DSCAM: variants seen among roughly 807,000 people sequenced by gnomAD.
DSCAM encodes DS cell adhesion molecule.
In DSCAM, 47 loss-of-function variants were observed where a neutral mutation model predicts 217.7. The observed-to-expected ratio is 0.22, with a 90% confidence interval of 0.17 to 0.28. The LOEUF (loss-of-function observed/expected upper bound fraction) is 0.28. Among genes scored for constraint, DSCAM ranks in the 10% least tolerant of loss-of-function variants. The pLI, the probability that DSCAM is intolerant of heterozygous loss-of-function variation, is 1.00. For missense variants in DSCAM, 2,080 were observed against 2,618.3 expected, an observed-to-expected ratio of 0.79 and a Z score of 4.49; for synonymous variants, 1,056 against 1,015.3, an observed-to-expected ratio of 1.04 and a Z score of -0.76.
chr21:40,013,574 C>T (rs188066141), intron 32 of DSCAM, among the ~76,000 whole-genome samples, 188 bp from the exon 33 acceptor site: 1 of 152,286 alleles, frequency 6.6e-6, no homozygotes, highest in East Asian at 1.9e-4. Flanking sequence ...TACCTCCTCC[C>T]TGGGCGCGGG....
chr21:40,542,820 C>A (rs1458845638), intron 3 of DSCAM, among the ~76,000 whole-genome samples: 1 of 152,136 alleles, frequency 6.6e-6, no homozygotes, highest in Non-Finnish European at 1.5e-5. Context: ...TGCTTAAAAT[C>A]CTAGTTATTA....
intron 3 of DSCAM, among the ~76,000 whole-genome samples, chr21:40,547,494 A>G (rs1237814554): frequency 6.6e-6 from 1 of 152,236 alleles, no homozygotes; most frequent in Non-Finnish European, 1.5e-5. Context: ...TTAAAACCTT[A>G]ATGCACTGTT....
At chr21:40,269,086 C>T (rs966606920) in intron 11 of DSCAM, among the ~76,000 whole-genome samples, 3 of 152,146 alleles carry the variant, frequency 2.0e-5, no homozygotes, top group African/African-American at 7.2e-5. Context: ...GTGGCTGAAT[C>T]GCACTCCATG....
chr21:40,475,763 G>A (rs939823326), intron 3 of DSCAM, among the ~76,000 whole-genome samples: 14 of 151,994 alleles, frequency 9.2e-5, no homozygotes, highest in African/African-American at 2.4e-4. Context: ...CCTGGGAGGC[G>A]GAGGTTGCAG....
intron 10 of DSCAM, among the ~76,000 whole-genome samples, chr21:40,294,381 G>A (rs1480285487): frequency 6.6e-6 from 1 of 151,894 alleles, no homozygotes; most frequent in Non-Finnish European, 1.5e-5. Flanking sequence ...AAAATGAGAG[G>A]GCATTTTCAA....
At chr21:40,425,250 G>C (rs1394623923) in intron 3 of DSCAM, among the ~76,000 whole-genome samples, 1 of 151,738 alleles carries the variant, frequency 6.6e-6, no homozygotes, top group Non-Finnish European at 1.5e-5. Context: ...TCCCGGCCAG[G>C]CATGGTGGCT....
chr21:40,373,625 A>C (rs578129313), intron 3 of DSCAM, among the ~76,000 whole-genome samples: 1 of 152,304 alleles, frequency 6.6e-6, no homozygotes, highest in South Asian at 2.1e-4. Flanking sequence ...CAAATACTTA[A>C]TTTTATATGT....
chr21:40,127,952 C>A (rs1158248076), intron 19 of DSCAM, among the ~76,000 whole-genome samples: 3 of 152,030 alleles, frequency 2.0e-5, no homozygotes, highest in Non-Finnish European at 4.4e-5. Context: ...ATGCCTCTGT[C>A]TGGAGTTTTT....
At position 40,084,017 on chromosome 21, in the gene DSCAM, AAC is replaced by A. The variant is rs527236916; in HGVS notation, c.4133-13_4133-12del. Reference sequence around the variant, plus strand: ...GCTGATCTGGTGGAACTGGAGAGGAAACAGTTTTTAGAAAACAAGAATTAGTT... The same window carrying A: ...GCTGATCTGGTGGAACTGGAGAGGAAAGTTTTTAGAAAACAAGAATTAGTT... On this transcript the variant is annotated splice_polypyrimidine_tract_variant and intron_variant, in intron 23 of 32. Coordinates refer to ENST00000400454, the MANE Select transcript of DSCAM (RefSeq NM_001389.5). 29 of 1,601,362 alleles carry A rather than the reference AAC, an allele frequency of 1.8e-5. No individual in the cohort carries two copies. Among genetic ancestry groups the A allele is most frequent in the Non-Finnish European group, 2.4e-5 (28 of 1,173,856 alleles).
intron 10 of DSCAM, among the ~76,000 whole-genome samples, chr21:40,281,543 A>C (rs2073759656): frequency 6.6e-6 from 1 of 152,194 alleles, no homozygotes; most frequent in African/African-American, 2.4e-5. Context: ...ATGCATATTC[A>C]AATCTTAAAA....
rs201672838 is a variant in DSCAM at position 40,121,681 on chromosome 21, C to CTTT, written c.3696+2511_3696+2513dup. Among the ~76,000 whole-genome samples, 322 of 73,722 alleles carry CTTT rather than the reference C, an allele frequency of 4.4e-3. 37 individuals carry two copies. Among genetic ancestry groups the CTTT allele is most frequent in the African/African-American group, 0.017 (303 of 17,372 alleles). 48.4% of individuals were successfully genotyped at this position (73,722 alleles called of 152,430 possible). On this transcript the variant is annotated intron_variant, in intron 20 of 32. Coordinates refer to ENST00000400454, the MANE Select transcript of DSCAM (RefSeq NM_001389.5). Reference sequence around the variant, plus strand: ...CTGGTGGGTTTGCTCTCATTACTGTCTTTTTTTTTTTTTTTTTTTTTTTTT... The same window carrying CTTT: ...CTGGTGGGTTTGCTCTCATTACTGTCTTTTTTTTTTTTTTTTTTTTTTTTTTTT...
At chr21:40,635,360 G>C (rs2089743742) in intron 3 of DSCAM, among the ~76,000 whole-genome samples, 1 of 152,170 alleles carries the variant, frequency 6.6e-6, no homozygotes, top group African/African-American at 2.4e-5. Context: ...GTGCCTGCTA[G>C]GGAACTTCAA....
chr21:40,093,075 C>T (rs751131880), intron 21 of DSCAM, among the ~76,000 whole-genome samples: 4 of 152,086 alleles, frequency 2.6e-5, no homozygotes, highest in Non-Finnish European at 2.9e-5. Flanking sequence ...GGAATTGTGT[C>T]GTAAGGAAAT....
chr21:40,797,352 A>G (rs1230485855), intron 1 of DSCAM, among the ~76,000 whole-genome samples: 1 of 152,156 alleles, frequency 6.6e-6, no homozygotes, highest in Non-Finnish European at 1.5e-5. Context: ...TCTTCTCCAC[A>G]CTGTTGCGAA....
rs71186932 is a variant in DSCAM, at chr21:40,381,062, CAAAAAA to C, written c.509-11823_509-11818del. On this transcript the variant is annotated intron_variant, in intron 3 of 32. Coordinates refer to ENST00000400454, the MANE Select transcript of DSCAM (RefSeq NM_001389.5). Reference sequence around the variant, plus strand: ...TGGGCGACAGAGCGAGACTCCGTCTCAAAAAAAAAAAAAAAAAAAAAAGAAAATAGA... The same window carrying C: ...TGGGCGACAGAGCGAGACTCCGTCTCAAAAAAAAAAAAAAAAGAAAATAGA... Among the ~76,000 whole-genome samples the C allele has an allele frequency of 1.1e-4, 7 of 66,220 alleles. No homozygotes were observed. In the Admixed American group the frequency reaches 1.3e-3, roughly 12 times the overall value. The allele number at this position is 66,220 out of a possible 152,430, so 43.4% of individuals were successfully genotyped here. A position where few individuals can be genotyped will look rare whatever the true frequency, so the allele number is the denominator to read the frequency against.
chr21:40,110,228 A>G (rs1263835449), intron 20 of DSCAM, among the ~76,000 whole-genome samples: 1 of 152,164 alleles, frequency 6.6e-6, no homozygotes, highest in Non-Finnish European at 1.5e-5. Flanking sequence ...TTTCCACAGG[A>G]AAGATCAGGC....
chr21:40,336,520 G>C (rs28516631), intron 8 of DSCAM, among the ~76,000 whole-genome samples: 2,146 of 152,264 alleles, frequency 0.014, 43 homozygotes, highest in African/African-American at 0.048. Flanking sequence ...GTGTAACACA[G>C]TGAACCAATC....
chr21:40,133,855 A>G lies in DSCAM; in HGVS notation c.3561T>C (p.Asp1187=), dbSNP rs764663213. 1.2e-6 allele frequency: 2 copies of G among 1,603,174 alleles called. No individual in the cohort carries two copies. The highest frequency in any genetic ancestry group is 3.4e-5 in the Admixed American group (2 of 58,824). ...SEQIFTRTKE[D]VPGPPAGVKA... The stretch of plus-strand genomic sequence containing the variant: ...ACCCACCGCCCACCCGTCTCTCACC[A>G]TCCTCTTTGGTCCGGGTGAAGATCT... The change falls in exon 19 of 33, where the codon GAT becomes GAC. Residue 1187 remains aspartate, a splice_region_variant and synonymous_variant. Transcript: ENST00000400454.
chr21:40,341,177 T>C (rs2074487178), intron 6 of DSCAM, among the ~76,000 whole-genome samples: 2 of 152,174 alleles, frequency 1.3e-5, no homozygotes, highest in South Asian at 2.1e-4. Flanking sequence ...AAATGAAAAA[T>C]TGATGCTTTT....
Sources: gnomAD v4.1 joint callset for allele counts (sites outside exome capture counted in the v4.1 genomes callset) on GRCh38, gnomAD v4.1.1 for gene constraint, MANE v1.5 for transcripts, NCBI Gene and HGNC (gene_info 2026-07-23, HGNC 2026-07-21) for gene names.